HNF1A: variants seen among roughly 807,000 people sequenced by gnomAD.
HNF1A encodes the protein HNF1 homeobox A.
HNF1A carries 21 observed loss-of-function variants against 62.2 expected under a neutral mutation model. The ratio of observed to expected loss-of-function variants is 0.34; its 90% CI spans 0.24 to 0.49. HNF1A has a LOEUF of 0.49. Ranked by LOEUF, HNF1A falls within the 20% of genes least tolerant of loss-of-function variation. HNF1A has a pLI of 0.99. For synonymous variants in HNF1A, 374 were observed against 366.8 expected (o/e 1.02, Z -0.22); for missense variants, 687 against 832.3 (o/e 0.83, Z 2.15).
At chr12:120,983,527 A>G (rs529580657) in intron 1 of HNF1A, among the ~76,000 whole-genome samples, 12 of 150,930 alleles carry the variant, frequency 8.0e-5, no homozygotes, top group Admixed American at 5.9e-4. Context: ...TTGTCCTCTT[A>G]GTTCTTTCCT....
Position 121,001,394 on chromosome 12 carries a change from C to G in HNF1A, c.*202C>G. The G allele has an allele frequency of 1.6e-6, 1 of 625,906 alleles. No individual in the cohort carries two copies. The highest frequency in any genetic ancestry group is 2.8e-6 in the Non-Finnish European group (1 of 358,562). The allele number at this position is 625,906 out of a possible 1,614,324, so 38.8% of individuals were successfully genotyped here. On this transcript the variant is annotated 3_prime_UTR_variant, in exon 10 of 10. Coordinates refer to ENST00000257555, the MANE Select transcript of HNF1A (RefSeq NM_000545.8). ...ACCCGTGGAGGCTGCTCGGGGTGCACAGGAGGGGGTCGTGGAGAGCTAGGA... is the reference window on the plus strand; with the variant it reads ...ACCCGTGGAGGCTGCTCGGGGTGCAGAGGAGGGGGTCGTGGAGAGCTAGGA...
Position 120,999,431 on chromosome 12 carries a change from A to G in HNF1A, c.1623+42A>G, listed in dbSNP as rs200356021. On this transcript the variant is annotated intron_variant, in intron 8 of 9. Transcript: ENST00000257555. The stretch of plus-strand genomic sequence containing the variant: ...CTGGCCCTCCCTTGGCCTGTGACAG[A>G]GCCCCTCACCCCCACATCCCCCGGG... 1,106 of 1,613,426 alleles carry G rather than the reference A, an allele frequency of 6.9e-4. 1 individual carries two copies. Among genetic ancestry groups the G allele is most frequent in the Non-Finnish European group, 9.0e-4 (1,065 of 1,179,818 alleles).
intron 4 of HNF1A, among the ~76,000 whole-genome samples, chr12:120,995,496 T>C (rs1877053703): frequency 6.6e-6 from 1 of 151,554 alleles, no homozygotes; most frequent in Non-Finnish European, 1.5e-5. Context: ...GACTCCACAT[T>C]TCATCCATTC....
In HNF1A at chr12:120,999,412, C is replaced by T. The variant is rs201167179; in HGVS notation, c.1623+23C>T. ...CAGGTAAGGTCCAGGCCTGCTGGCCCTCCCTTGGCCTGTGACAGAGCCCCT... is the reference window on the plus strand; with the variant it reads ...CAGGTAAGGTCCAGGCCTGCTGGCCTTCCCTTGGCCTGTGACAGAGCCCCT... On this transcript the variant is annotated intron_variant, in intron 8 of 9. Coordinates refer to ENST00000257555, the MANE Select transcript of HNF1A (RefSeq NM_000545.8). 6.6e-4 allele frequency: 1,060 copies of T among 1,613,834 alleles called. 1 individual carries two copies. The highest frequency in any genetic ancestry group is 8.5e-4 in the Non-Finnish European group (1,006 of 1,179,916).
intron 1 of HNF1A, among the ~76,000 whole-genome samples, chr12:120,987,763 GATCTATCTATCTATCTATCT>G (rs71811344): frequency 3.3e-4 from 49 of 147,004 alleles, no homozygotes; most frequent in South Asian, 8.7e-4. Context: ...TCACAAAGTT[GATCTATCTATCTATCTATCT>G]ATCTATCTAT....
intron 7 of HNF1A, 181 bp downstream of exon 7, chr12:120,997,846 G>T: frequency 1.3e-6 from 1 of 746,044 alleles, no homozygotes; most frequent in South Asian, 1.5e-5. Context: ...GTATCTGTGT[G>T]TGTGCACGAC....
At position 120,978,680 on chromosome 12, in the gene HNF1A, T is replaced by TGCCG. The variant is rs1396684157; in HGVS notation, c.-82_-79dup. 7.8e-7 allele frequency: 1 copy of TGCCG among 1,281,438 alleles called. No individual in the cohort carries two copies. The highest frequency in any genetic ancestry group is 1.5e-5 in the African/African-American group (1 of 68,412). 79.4% of individuals were successfully genotyped at this position (1,281,438 alleles called of 1,614,324 possible). A position where few individuals can be genotyped will look rare whatever the true frequency, so the allele number is the denominator to read the frequency against. ...GGGTGCAAGGAGTTTGGTTTGTGTC[T>TGCCG]GCCGGCCGGCAGGCAAACGCAACCC... On this transcript the variant is annotated 5_prime_UTR_variant, in exon 1 of 10. Coordinates refer to ENST00000257555, the MANE Select transcript of HNF1A (RefSeq NM_000545.8).
chr12:120,985,334 G>A (rs1480962212), intron 1 of HNF1A, among the ~76,000 whole-genome samples: 2 of 150,496 alleles, frequency 1.3e-5, no homozygotes, highest in African/African-American at 2.4e-5. Context: ...CTCCCACCTC[G>A]GCCTTTCAAA....
rs1034642608 is a variant in HNF1A, at chr12:120,997,271, A to G, written c.1310-203A>G. On this transcript the variant is annotated intron_variant, in intron 6 of 9. Transcript: ENST00000257555. ...GCCTCTCCCACTAGCCTAGACAAAG[A>G]GCTAAAGGCTCAGAGAGGGGGAATG... 8.5e-6 allele frequency: 12 copies of G among 1,418,854 alleles called. No homozygotes were observed. The African/African-American group carries it at 1.4e-4, about 17-fold the overall frequency. The allele number at this position is 1,418,854 out of a possible 1,614,324, so 87.9% of individuals were successfully genotyped here.
chr12:120,999,451 C>T (rs1877306890), intron 8 of HNF1A, 32 bp from the exon 9 acceptor site: 4 of 1,613,752 alleles, frequency 2.5e-6, no homozygotes, highest in Admixed American at 1.7e-5. Context: ...CCCCACATCC[C>T]CCGGGCTCAG....
Position 121,001,232 on chromosome 12 carries a change from G to A in HNF1A, c.*40G>A, listed in dbSNP as rs78184916. On this transcript the variant is annotated 3_prime_UTR_variant, in exon 10 of 10. Transcript: ENST00000257555. ...CCCTGGGGCCTGTACTGCCTGCTTG[G>A]GGGGTGATGAGGGCAGCAGCCAGCC... 5.7e-5 allele frequency: 92 copies of A among 1,611,252 alleles called. No homozygotes were observed. The highest frequency in any genetic ancestry group is 3.3e-4 in the Admixed American group (20 of 59,806).
rs146686581 is a variant in HNF1A at position 120,978,978 on chromosome 12, C to T, written c.210C>T (p.Ser70=). ...ATGGGCTGGGGGAGACTCGGGGCTC[C>T]GAGGACGAGACGGACGACGATGGGG... ...LPNGLGETRG[S]EDETDDDGED... is the part of the protein sequence containing the mutation. Residue 70 remains serine, a synonymous_variant, in exon 1 of 10, where the codon TCC becomes TCT. Transcript: ENST00000257555. 185 of 1,607,956 alleles carry T rather than the reference C, an allele frequency of 1.2e-4. 3 individuals are homozygous for T. In the African/African-American group the frequency reaches 1.7e-3, roughly 15 times the overall value.
chr12:120,979,633 G>A (rs1009010360), intron 1 of HNF1A: 13 of 158,592 alleles, frequency 8.2e-5, no homozygotes, highest in Admixed American at 5.3e-4. Context: ...ACAGAGCCTC[G>A]AGGTGGGAGC....
chr12:120,980,305 C>T (rs1055768148), intron 1 of HNF1A, among the ~76,000 whole-genome samples: 1 of 151,912 alleles, frequency 6.6e-6, no homozygotes, highest in Non-Finnish European at 1.5e-5. Flanking sequence ...AGAGAGAGAC[C>T]GAGCCCCAAA....
intron 1 of HNF1A, among the ~76,000 whole-genome samples, chr12:120,983,609 A>G (rs1405138058): frequency 6.7e-6 from 1 of 149,692 alleles, no homozygotes; most frequent in Non-Finnish European, 1.5e-5. Context: ...GCAGTGGCGC[A>G]GTCTTGGCTC....
At position 120,999,339 on chromosome 12, in the gene HNF1A, A is replaced by T. The variant is rs759717253; in HGVS notation, c.1573A>T (p.Thr525Ser). The T allele has an allele frequency of 2.9e-5, 47 of 1,613,724 alleles. No individual in the cohort carries two copies. Among genetic ancestry groups the T allele is most frequent in the Non-Finnish European group, 3.9e-5 (46 of 1,179,964 alleles). The change falls in exon 8 of 10, where the codon ACC becomes TCC. Residue 525 changes from threonine to serine, a missense_variant. By Grantham distance (58) the Thr-to-Ser change is moderately conservative. Coordinates refer to ENST00000257555, the MANE Select transcript of HNF1A (RefSeq NM_000545.8). ...TGLLPQTMLI[T>S]DTTNLSALAS... Reference sequence around the variant, plus strand: ...CCTGCTCCCGCAGACTATGCTCATCACCGACACCACCAACCTGAGCGCCCT... The same window carrying T: ...CCTGCTCCCGCAGACTATGCTCATCTCCGACACCACCAACCTGAGCGCCCT...
rs1433813890 is a variant in HNF1A at position 120,999,477 on chromosome 12, C to T, written c.1624-6C>T. 5.0e-6 allele frequency: 8 copies of T among 1,613,764 alleles called. No homozygotes were observed. In the African/African-American group the frequency reaches 8.0e-5, roughly 16 times the overall value. On this transcript the variant is annotated splice_polypyrimidine_tract_variant and splice_region_variant and intron_variant, in intron 8 of 9. Transcript: ENST00000257555. ...CCGGGCTCAGGAGGCTGCTCTGCTC[C>T]CCCAGGTCTTCACCTCAGACACTGA... is the stretch of plus-strand genomic sequence containing the variant.
chr12:120,999,371 C>G lies in HNF1A; in HGVS notation c.1605C>G (p.Ser535Arg). 6.2e-7 allele frequency: 1 copy of G among 1,614,056 alleles called. No individual in the cohort carries two copies. Among genetic ancestry groups the G allele is most frequent in the Non-Finnish European group, 8.5e-7 (1 of 1,180,030 alleles). Residue 535 changes from serine to arginine, a missense_variant, in exon 8 of 10, where the codon AGC becomes AGG. Ser to Arg is a moderately radical substitution (Grantham distance 110, BLOSUM62 -1). Transcript: ENST00000257555. ...CCACCAACCTGAGCGCCCTGGCCAG[C>G]CTCACGCCCACCAAGCAGGTAAGGT... The part of the protein sequence containing the change: ...TDTTNLSALA[S>R]LTPTKQVFTS...
chr12:120,979,998 T>C (rs1217121701), intron 1 of HNF1A, among the ~76,000 whole-genome samples: 1 of 151,974 alleles, frequency 6.6e-6, no homozygotes, highest in Non-Finnish European at 1.5e-5. Flanking sequence ...GCCTGGGGGC[T>C]ACAGGGGCCA....
Sources: allele counts gnomAD v4.1 joint callset (sites outside exome capture counted in the v4.1 genomes callset), GRCh38; gene constraint gnomAD v4.1.1; transcripts MANE v1.5; gene names NCBI Gene and HGNC (gene_info 2026-07-23, HGNC 2026-07-21).